Variants in PLOD2 observed in about 807,000 individuals in gnomAD.
The protein encoded by PLOD2 is procollagen-lysine,2-oxoglutarate 5-dioxygenase 2, also known as lysine hydroxylase 2.
In PLOD2, 65 loss-of-function variants were observed where a neutral mutation model predicts 101.0. The ratio of observed to expected loss-of-function variants is 0.64; its 90% confidence interval spans 0.53 to 0.79. The LOEUF is 0.79. PLOD2 is among the 30% of genes least tolerant of loss of function. The probability of loss-of-function intolerance (pLI) is 0.00; values close to 1 mark genes in which losing one functional copy is unlikely to be tolerated. For synonymous variants in PLOD2, 314 were observed against 302.9 expected, an observed-to-expected ratio of 1.04 and a Z score of -0.38; for missense variants, 909 against 914.6, an observed-to-expected ratio of 0.99 and a Z score of 0.08.
At chr3:146,108,359 A>G (rs1047006993) in intron 4 of PLOD2, among the ~76,000 whole-genome samples, 1 of 151,970 alleles carries the variant, frequency 6.6e-6, no homozygotes, top group Non-Finnish European at 1.5e-5. Context: ...TTAAAAAAAA[A>G]TTTTAGTAGA....
intron 7 of PLOD2, among the ~76,000 whole-genome samples, chr3:146,093,396 A>C (rs1202814787): frequency 6.6e-6 from 1 of 152,206 alleles, no homozygotes; most frequent in East Asian, 1.9e-4. Flanking sequence ...TGTAGTCATG[A>C]TATTAACGAC....
At chr3:146,120,142 G>A (rs113656133) in intron 3 of PLOD2, among the ~76,000 whole-genome samples, 35,889 of 151,966 alleles carry the variant, frequency 0.24, 4,382 homozygotes, top group Non-Finnish European at 0.27. Context: ...ATTCTAACTC[G>A]TGTGAGATGG....
At chr3:146,100,605 G>A (rs1423935833) in intron 7 of PLOD2, among the ~76,000 whole-genome samples, 2 of 152,178 alleles carry the variant, frequency 1.3e-5, no homozygotes, top group Non-Finnish European at 2.9e-5. Flanking sequence ...AAGCATGTAT[G>A]TACAGAAGAT....
At chr3:146,146,128 C>T (rs1204142409) in intron 1 of PLOD2, among the ~76,000 whole-genome samples, 1 of 152,110 alleles carries the variant, frequency 6.6e-6, no homozygotes, top group African/African-American at 2.4e-5. Flanking sequence ...ATGCTTAGAA[C>T]TTTATAATAG....
chr3:146,104,295 G>A lies in PLOD2; in HGVS notation c.663C>T (p.Thr221=). 6.3e-7 allele frequency: 1 copy of A among 1,589,698 alleles called. No homozygotes were observed. Among genetic ancestry groups the A allele is most frequent in the Non-Finnish European group, 8.6e-7 (1 of 1,157,880 alleles). The change falls in exon 6 of 20, where the codon ACC becomes ACT. Residue 221 remains threonine (T), a synonymous_variant. Coordinates refer to ENST00000282903, the MANE Select transcript of PLOD2 (RefSeq NM_182943.3). ...GAAGCATACCTACAGCTCCATTTAA[G>A]GTCTGGAAAATTTTGCATTTGTGAT... is the stretch of plus-strand genomic sequence containing the variant. ...TLDHKCKIFQ[T]LNGAVDEVVL...
chr3:146,078,057 G>C, intron 13 of PLOD2, 133 bp from the exon 14 acceptor site: 1 of 719,858 alleles, frequency 1.4e-6, no homozygotes, highest in Non-Finnish European at 2.5e-6. Flanking sequence ...ACAACATGCA[G>C]AACAAGCAAA....
chr3:146,099,261 A>G (rs998792029), intron 7 of PLOD2, among the ~76,000 whole-genome samples: 5 of 152,150 alleles, frequency 3.3e-5, no homozygotes, highest in African/African-American at 1.2e-4. Context: ...TTCTTGTGAT[A>G]TGTCCTTTAG....
rs1936045654 is a variant in PLOD2, at chr3:146,069,449, T to A, written c.*1268A>T. The A allele has an allele frequency of 6.6e-6, 1 of 152,140 alleles. No homozygotes were observed. Among genetic ancestry groups the A allele is most frequent in the Non-Finnish European group, 1.5e-5 (1 of 67,868 alleles). The allele number at this position is 152,140 out of a possible 1,614,324, so 9.4% of individuals were successfully genotyped here. On this transcript the variant is annotated 3_prime_UTR_variant, in exon 20 of 20. Coordinates refer to ENST00000282903, the MANE Select transcript of PLOD2 (RefSeq NM_182943.3). ...AATAGAACAACAAAACTTTCTAAAA[T>A]TATTTTATTTTTTATAATTTTCTAA...
intron 11 of PLOD2, among the ~76,000 whole-genome samples, chr3:146,082,412 T>C (rs1936586137): frequency 6.6e-6 from 1 of 152,200 alleles, no homozygotes; most frequent in Non-Finnish European, 1.5e-5. Context: ...CAGTTTTCCA[T>C]GACTTTAAAA....
intron 8 of PLOD2, 78 bp from the exon 9 acceptor site, chr3:146,088,789 G>A (rs1936875695): frequency 1.7e-6 from 2 of 1,185,774 alleles, no homozygotes; most frequent in Admixed American, 3.7e-5. Flanking sequence ...ATGTTAATCA[G>A]CATGACATAA....
In PLOD2 at chr3:146,146,728, G is replaced by A. The variant is rs1279387460; in HGVS notation, c.109+14153C>T. The stretch of plus-strand genomic sequence containing the variant: ...ATGGTGGGCTCCTGATTCCCCGCTG[G>A]GACAGAGGTAGTAGCCTCCTAGTTT... On this transcript the variant is annotated intron_variant, in intron 1 of 19. Transcript: ENST00000282903. 7.2e-5 allele frequency among the ~76,000 whole-genome samples: 11 copies of A among 152,134 alleles called. 1 individual carries two copies. Among genetic ancestry groups the A allele is most frequent in the Admixed American group, 2.6e-4 (4 of 15,266 alleles).
chr3:146,126,817 T>G (rs2030590347), intron 1 of PLOD2, among the ~76,000 whole-genome samples: 2 of 109,652 alleles, frequency 1.8e-5, no homozygotes, highest in Admixed American at 1.8e-4. Flanking sequence ...CTAATTTCAT[T>G]TACTTTTTTT....
rs770173711 is a variant in PLOD2, at chr3:146,079,247, T to C, written c.1369A>G (p.Asn457Asp). The change falls in exon 13 of 20, where the codon AAT becomes GAT. Residue 457 changes from asparagine (N) to aspartate (D), a missense_variant. Physicochemically the swap from Asn to Asp is conservative, Grantham distance 23. Coordinates refer to ENST00000282903, the MANE Select transcript of PLOD2 (RefSeq NM_182943.3). ...IVQGNRVGVW[N>D]VPYMANVYLI... ...TACACATTAGCCATATATGGGACAT[T>C]CCATACTCCTCTGAAAGTAAAGAGA... The C allele has an allele frequency of 7.1e-5, 114 of 1,604,534 alleles. 1 individual carries two copies. The East Asian group carries it at 2.5e-3, about 36-fold the overall frequency.
chr3:146,129,383 T>C (rs1200786018), intron 1 of PLOD2, among the ~76,000 whole-genome samples: 1 of 152,186 alleles, frequency 6.6e-6, no homozygotes, highest in South Asian at 2.1e-4. Flanking sequence ...AGGGCCAGAA[T>C]TGGCCTAAGG....
At chr3:146,122,848 G>A (rs1262868207) in intron 2 of PLOD2, among the ~76,000 whole-genome samples, 1 of 151,936 alleles carries the variant, frequency 6.6e-6, no homozygotes, top group African/African-American at 2.4e-5. Flanking sequence ...TCCTTACAAG[G>A]TGCCTTGCAC....
At chr3:146,158,679 G>A (rs1474751043) in intron 1 of PLOD2, among the ~76,000 whole-genome samples, 1 of 117,962 alleles carries the variant, frequency 8.5e-6, no homozygotes, top group Non-Finnish European at 1.9e-5. Flanking sequence ...TTGTTTTTTT[G>A]GTGCTCAGAT....
chr3:146,087,796 A>T lies in PLOD2; in HGVS notation c.1005+790T>A, dbSNP rs150908581. ...ATACTTTAGTGAAAGTATATATATT[A>T]CAACATATTTTACAAAGCAAATGCT... On this transcript the variant is annotated intron_variant, in intron 9 of 19. Coordinates refer to ENST00000282903, the MANE Select transcript of PLOD2 (RefSeq NM_182943.3). Among the ~76,000 whole-genome samples the T allele has an allele frequency of 4.1e-3, 623 of 152,006 alleles. 1 individual carries two copies. The highest frequency in any genetic ancestry group is 0.014 in the African/African-American group (600 of 41,552).
At chr3:146,141,443 C>A (rs73865325) in intron 1 of PLOD2, among the ~76,000 whole-genome samples, 1,570 of 152,108 alleles carry the variant, frequency 0.01, 34 homozygotes, top group African/African-American at 0.036. Flanking sequence ...AAAGAAATCC[C>A]CAACCTCAGG....
Position 146,126,915 on chromosome 3 carries a change from T to C in PLOD2, c.110-2686A>G, listed in dbSNP as rs1393491235. ...TGCCTGCAATCTGTTTTAAAGTTAA[T>C]TGGGGTAGATAGATTAAAACAAGAC... is the stretch of plus-strand genomic sequence containing the variant. On this transcript the variant is annotated intron_variant, in intron 1 of 19. Coordinates refer to ENST00000282903, the MANE Select transcript of PLOD2 (RefSeq NM_182943.3). Among the ~76,000 whole-genome samples, 4 of 152,282 alleles carry C rather than the reference T, an allele frequency of 2.6e-5. 1 individual carries two copies. Among genetic ancestry groups the C allele is most frequent in the Admixed American group, 2.0e-4 (3 of 15,282 alleles).
Sources: allele counts gnomAD v4.1 joint callset (sites outside exome capture counted in the v4.1 genomes callset), GRCh38; gene constraint gnomAD v4.1.1; transcripts MANE v1.5; gene names NCBI Gene and HGNC (gene_info 2026-07-23, HGNC 2026-07-21).